Variants in PI4K2B observed in about 807,000 individuals in gnomAD.
PI4K2B encodes the protein phosphatidylinositol 4-kinase type 2-beta.
PI4K2B carries 46 observed loss-of-function variants against 56.6 expected under a neutral mutation model. The observed-to-expected ratio is 0.81, with a 90% confidence interval of 0.64 to 1.04. The LOEUF (loss-of-function observed/expected upper bound fraction) is 1.04. Among genes scored for constraint, PI4K2B ranks in the 50% least tolerant of loss-of-function variants. PI4K2B has a pLI of 0.00. For missense variants in PI4K2B, 556 were observed against 607.7 expected (o/e 0.91, Z 0.89); for synonymous variants, 211 against 223.8 (o/e 0.94, Z 0.51).
At chr4:25,265,812 G>A (rs1716645665) in intron 7 of PI4K2B, among the ~76,000 whole-genome samples, 1 of 152,144 alleles carries the variant, frequency 6.6e-6, no homozygotes, top group Non-Finnish European at 1.5e-5. Context: ...GATAGTATTT[G>A]AAAAGAATGA....
intron 9 of PI4K2B, among the ~76,000 whole-genome samples, chr4:25,270,476 G>T (rs1355218956): frequency 6.6e-6 from 1 of 152,034 alleles, no homozygotes; most frequent in Non-Finnish European, 1.5e-5. Context: ...CTCCCAAGTA[G>T]TTGGGATTAC....
chr4:25,236,977 A>G (rs905493632), intron 1 of PI4K2B, among the ~76,000 whole-genome samples: 30 of 152,228 alleles, frequency 2.0e-4, no homozygotes, highest in Non-Finnish European at 1.2e-4. Context: ...TCCGATTTCC[A>G]TGAAACTACC....
At chr4:25,263,323 G>C (rs1716546342) in intron 6 of PI4K2B, among the ~76,000 whole-genome samples, 1 of 151,938 alleles carries the variant, frequency 6.6e-6, no homozygotes, top group Non-Finnish European at 1.5e-5. Flanking sequence ...GAAACATTTT[G>C]TGTTTGATTT....
At position 25,256,762 on chromosome 4, in the gene PI4K2B, G is replaced by A. The variant is rs1716277994; in HGVS notation, c.756+88G>A. 4.2e-5 allele frequency: 50 copies of A among 1,179,852 alleles called. 1 individual carries two copies. The South Asian group carries it at 6.7e-4, about 16-fold the overall frequency. The allele number at this position is 1,179,852 out of a possible 1,614,324, so 73.1% of individuals were successfully genotyped here. A position where few individuals can be genotyped will look rare whatever the true frequency, so the allele number is the denominator to read the frequency against. On this transcript the variant is annotated intron_variant, in intron 4 of 9. Coordinates refer to ENST00000264864, the MANE Select transcript of PI4K2B (RefSeq NM_018323.4). Reference sequence around the variant, plus strand: ...AGCCAGGCATTGTGCTATTAGCTGTGGATATTATAGCACAGATTTTTCATC... The same window carrying A: ...AGCCAGGCATTGTGCTATTAGCTGTAGATATTATAGCACAGATTTTTCATC...
chr4:25,263,728 A>G (rs1235650159), intron 6 of PI4K2B, 22 bp from the exon 7 acceptor site: 2 of 863,642 alleles, frequency 2.3e-6, no homozygotes, highest in Non-Finnish European at 3.9e-6. Flanking sequence ...TTTTATCAAC[A>G]TATCATTTTT....
At chr4:25,273,977 C>T (rs1234752187) in intron 9 of PI4K2B, among the ~76,000 whole-genome samples, 2 of 152,130 alleles carry the variant, frequency 1.3e-5, no homozygotes, top group Non-Finnish European at 2.9e-5. Context: ...TCTTTCCCCT[C>T]GATGCCTTGC....
At chr4:25,269,800 GC>G (rs1716808282) in intron 9 of PI4K2B, among the ~76,000 whole-genome samples, 1 of 151,134 alleles carries the variant, frequency 6.6e-6, no homozygotes, top group African/African-American at 2.4e-5. Context: ...TGCAAGCTCC[GC>G]CTCCCAGGTT....
intron 1 of PI4K2B, among the ~76,000 whole-genome samples, chr4:25,246,284 C>T (rs1161647029): frequency 2.0e-5 from 3 of 152,122 alleles, no homozygotes; most frequent in Middle Eastern, 3.2e-3. Context: ...CACCCACATC[C>T]TGCTGATTGG....
chr4:25,246,793 G>A (rs1171327280), intron 1 of PI4K2B, among the ~76,000 whole-genome samples: 3 of 152,166 alleles, frequency 2.0e-5, no homozygotes, highest in Middle Eastern at 3.2e-3. Context: ...AAGGCCCTGC[G>A]AGAAATTGAG....
intron 1 of PI4K2B, among the ~76,000 whole-genome samples, chr4:25,244,986 T>C (rs909795447): frequency 2.0e-5 from 3 of 152,202 alleles, no homozygotes; most frequent in African/African-American, 7.2e-5. Context: ...TGGAGAGCCA[T>C]ACCCTGAGGG....
chr4:25,277,169 AT>A lies in PI4K2B; in HGVS notation c.1435del (p.Ser479ProfsTer40). On this transcript the variant is annotated frameshift_variant, in exon 10 of 10. Transcript: ENST00000264864. LOFTEE classifies it high-confidence loss of function. ...CCCAGACTGTCAATTGCAGGAAGCC[AT>A]TTTTTTCCTCCTGGTAGTAAATGTC... Reference protein sequence around the residue: ...FTQTVNCRKPFFSSW With the variant: ...FTQTVNCRKPXFSSW 3 of 1,612,250 alleles carry A rather than the reference AT, an allele frequency of 1.9e-6. No homozygotes were observed. Among genetic ancestry groups the A allele is most frequent in the Non-Finnish European group, 2.5e-6 (3 of 1,178,702 alleles).
At chr4:25,253,612 G>C (rs1716142512) in intron 2 of PI4K2B, among the ~76,000 whole-genome samples, 1 of 151,968 alleles carries the variant, frequency 6.6e-6, no homozygotes. Flanking sequence ...TATTTATTGT[G>C]TTATAAAGCA....
chr4:25,269,072 G>A, intron 8 of PI4K2B, 72 bp from the exon 9 acceptor site: 1 of 795,068 alleles, frequency 1.3e-6, no homozygotes, highest in South Asian at 1.6e-5. Context: ...CTGAGTTGAA[G>A]AGTTCATCTG....
intron 5 of PI4K2B, among the ~76,000 whole-genome samples, 173 bp downstream of exon 5, chr4:25,259,363 G>C (rs1442732169): frequency 6.6e-6 from 1 of 152,104 alleles, no homozygotes; most frequent in Non-Finnish European, 1.5e-5. Context: ...CATCCTGTGT[G>C]GGATAGATTC....
At chr4:25,243,275 C>T (rs762217750) in intron 1 of PI4K2B, among the ~76,000 whole-genome samples, 1 of 152,234 alleles carries the variant, frequency 6.6e-6, no homozygotes, top group Non-Finnish European at 1.5e-5. Context: ...AACCTTCGTC[C>T]TCTGGGGCAG....
intron 4 of PI4K2B, among the ~76,000 whole-genome samples, chr4:25,257,738 A>G (rs940697075): frequency 6.6e-6 from 1 of 152,182 alleles, no homozygotes; most frequent in African/African-American, 2.4e-5. Flanking sequence ...TTTAAGATAA[A>G]TTTTACTCAA....
intron 7 of PI4K2B, among the ~76,000 whole-genome samples, chr4:25,264,262 T>G (rs1189283922): frequency 6.6e-6 from 1 of 152,232 alleles, no homozygotes; most frequent in Non-Finnish European, 1.5e-5. Context: ...GTCTCTTTTG[T>G]GGTAAATGAT....
At chr4:25,273,876 T>TA (rs1376064339) in intron 9 of PI4K2B, among the ~76,000 whole-genome samples, 1 of 152,222 alleles carries the variant, frequency 6.6e-6, no homozygotes, top group African/African-American at 2.4e-5. Flanking sequence ...CATCTACCTT[T>TA]ATCTCTTGCC....
At chr4:25,267,562 A>G (rs1305704680) in intron 7 of PI4K2B, among the ~76,000 whole-genome samples, 1 of 152,184 alleles carries the variant, frequency 6.6e-6, no homozygotes, top group African/African-American at 2.4e-5. Context: ...CCAAAGGCAG[A>G]TTTCTTCTTC....
Sources: allele counts gnomAD v4.1 joint callset (sites outside exome capture counted in the v4.1 genomes callset), GRCh38; gene constraint gnomAD v4.1.1; transcripts MANE v1.5; gene names NCBI Gene and HGNC (gene_info 2026-07-23, HGNC 2026-07-21).